SENP1: variants seen among roughly 807,000 people sequenced by gnomAD.
SENP1 encodes the protein SUMO specific peptidase 1, also known as sentrin-specific protease 1.
SENP1 carries 21 observed loss-of-function variants against 93.0 expected under a neutral mutation model. The observed-to-expected ratio is 0.23, with a 90% CI of 0.16 to 0.33. The LOEUF (loss-of-function observed/expected upper bound fraction) is 0.33. Ranked by LOEUF, SENP1 falls within the 10% of genes least tolerant of loss-of-function variation. The probability of loss-of-function intolerance (pLI) is 1.00; values close to 1 mark genes in which losing one functional copy is unlikely to be tolerated. For missense variants in SENP1, 591 were observed against 758.7 expected (o/e 0.78, Z 2.60); for synonymous variants, 256 against 259.6 (o/e 0.99, Z 0.13).
In SENP1 at chr12:48,074,590, G is replaced by C; in HGVS notation, c.674C>G (p.Ser225Cys). 6.2e-7 allele frequency: 1 copy of C among 1,612,394 alleles called. No homozygotes were observed. The highest frequency in any genetic ancestry group is 8.5e-7 in the Non-Finnish European group (1 of 1,178,948). The stretch of plus-strand genomic sequence containing the variant: ...TGAGTCTTTCAAAGTATTTTTACTG[G>C]AACTAAGACATCGAGACCTAGCAAG... ...FPLHLSRCLS[S>C]SKNTLKDSLF... The change falls in exon 8 of 18, where the codon TCC becomes TGC. Residue 225 changes from serine to cysteine, a missense_variant. Ser to Cys is a moderately radical substitution (Grantham distance 112). Around this residue, in one of 4 missense-constraint regions of SENP1, gnomAD observed 7 missense variants for 26.1 expected, o/e 0.27. Coordinates refer to ENST00000549518, the MANE Select transcript of SENP1 (RefSeq NM_001267594.2).
Position 48,101,516 on chromosome 12 carries a change from C to A in SENP1, c.-44G>T. On this transcript the variant is annotated splice_region_variant and 5_prime_UTR_variant, in exon 2 of 18. Transcript: ENST00000549518. ...ACTGACTTTAGCAAAGATACAAAGTCCTATAAAAGAAGACACAAAACAGAA... is the reference window on the plus strand; with the variant it reads ...ACTGACTTTAGCAAAGATACAAAGTACTATAAAAGAAGACACAAAACAGAA... 1 of 1,561,198 alleles carries A rather than the reference C, an allele frequency of 6.4e-7. No individual in the cohort carries two copies. The highest frequency in any genetic ancestry group is 1.2e-5 in the South Asian group (1 of 85,810).
rs954261399 is a variant in SENP1 at position 48,065,555 on chromosome 12, G to C, written c.1119+41C>G. ...TTTCCAAAATAGTTTCTACTTTGAT[G>C]TACTATTTATTTGTAATATTATTCC... On this transcript the variant is annotated intron_variant, in intron 11 of 17. Transcript: ENST00000549518. 6.1e-6 allele frequency: 8 copies of C among 1,306,710 alleles called. No individual in the cohort carries two copies. The African/African-American group carries it at 8.9e-5, about 15-fold the overall frequency. 80.9% of individuals were successfully genotyped at this position (1,306,710 alleles called of 1,614,324 possible). A position where few individuals can be genotyped will look rare whatever the true frequency, so the allele number is the denominator to read the frequency against.
At chr12:48,083,498 G>T in intron 6 of SENP1, 93 bp downstream of exon 6, 1 of 988,626 alleles carries the variant, frequency 1.0e-6, no homozygotes, top group Non-Finnish European at 1.5e-6. Context: ...AAATAGAATG[G>T]TTCTTAAACA....
intron 13 of SENP1, among the ~76,000 whole-genome samples, chr12:48,050,402 T>C (rs1337809501): frequency 2.6e-5 from 4 of 152,160 alleles, no homozygotes; most frequent in African/African-American, 9.7e-5. Flanking sequence ...TGAGGATGCC[T>C]AGGCAGCTGC....
chr12:48,047,105 CG>C (rs1565728391), intron 15 of SENP1, 43 bp from the exon 16 acceptor site: 1 of 1,223,076 alleles, frequency 8.2e-7, no homozygotes, highest in Non-Finnish European at 1.2e-6. Flanking sequence ...TGGGGAACAT[CG>C]ATGACAGCTG....
At chr12:48,082,195 C>CAAA (rs1369044454) in intron 6 of SENP1, among the ~76,000 whole-genome samples, 3 of 152,102 alleles carry the variant, frequency 2.0e-5, no homozygotes, top group Non-Finnish European at 4.4e-5. Context: ...GGCCTCAATA[C>CAAA]AAACTTTAAA....
intron 1 of SENP1, among the ~76,000 whole-genome samples, chr12:48,104,226 A>AT (rs1946202799): frequency 1.9e-4 from 10 of 53,678 alleles, no homozygotes; most frequent in African/African-American, 9.0e-4. Flanking sequence ...AGAAGAAAAA[A>AT]ATATATATAG....
intron 12 of SENP1, 128 bp from the exon 13 acceptor site, chr12:48,063,969 A>C (rs1341512384): frequency 8.7e-6 from 8 of 921,330 alleles, no homozygotes; most frequent in East Asian, 8.2e-5. Flanking sequence ...TTTACTGTTA[A>C]TCAGTTTACT....
intron 8 of SENP1, 45 bp downstream of exon 8, chr12:48,074,279 T>C (rs753660998): frequency 2.0e-6 from 3 of 1,472,324 alleles, no homozygotes; most frequent in South Asian, 1.2e-5. Flanking sequence ...GAACAGTTAA[T>C]TGGCTATTAG....
intron 13 of SENP1, among the ~76,000 whole-genome samples, chr12:48,059,369 A>G (rs957767190): frequency 6.6e-6 from 1 of 152,110 alleles, no homozygotes; most frequent in Non-Finnish European, 1.5e-5. Context: ...TGAAGTGTCT[A>G]ATCTATTAAT....
chr12:48,067,183 A>AT (rs1943365726), intron 9 of SENP1, among the ~76,000 whole-genome samples: 1 of 152,232 alleles, frequency 6.6e-6, no homozygotes, highest in African/African-American at 2.4e-5. Flanking sequence ...ATATGGATAC[A>AT]TATTAGTTAA....
intron 13 of SENP1, among the ~76,000 whole-genome samples, chr12:48,055,792 AAT>A (rs1340054448): frequency 6.9e-6 from 1 of 145,976 alleles, no homozygotes; most frequent in African/African-American, 2.5e-5. Flanking sequence ...TATATTATTT[AAT>A]ATATAAATAA....
At chr12:48,104,592 A>C (rs1168424297) in intron 1 of SENP1, among the ~76,000 whole-genome samples, 1 of 152,222 alleles carries the variant, frequency 6.6e-6, no homozygotes, top group Non-Finnish European at 1.5e-5. Context: ...GACTACGTGC[A>C]TTAAGAAAGG....
At chr12:48,099,279 G>T in intron 2 of SENP1, 1 of 151,578 alleles carries the variant, frequency 6.6e-6, no homozygotes, top group South Asian at 2.1e-4. Context: ...AGTGAGCCAT[G>T]ACAGAGTCAC....
At chr12:48,061,980 CCTT>C (rs1942990790) in intron 13 of SENP1, among the ~76,000 whole-genome samples, 1 of 152,076 alleles carries the variant, frequency 6.6e-6, no homozygotes, top group South Asian at 2.1e-4. Context: ...AAGAATCTTT[CCTT>C]CTTCTCATCT....
intron 13 of SENP1, among the ~76,000 whole-genome samples, chr12:48,050,973 G>C (rs1444012536): frequency 2.0e-5 from 3 of 151,778 alleles, no homozygotes; most frequent in Non-Finnish European, 4.4e-5. Flanking sequence ...AGCAGGAGGT[G>C]AAAGGAATCA....
chr12:48,054,633 T>G (rs1942083303), intron 13 of SENP1, among the ~76,000 whole-genome samples: 2 of 151,932 alleles, frequency 1.3e-5, no homozygotes, highest in South Asian at 4.2e-4. Flanking sequence ...CTACTAAAAA[T>G]AGACAAATTA....
intron 13 of SENP1, 54 bp from the exon 14 acceptor site, chr12:48,049,186 A>G (rs1941600899): frequency 4.3e-6 from 6 of 1,389,280 alleles, no homozygotes; most frequent in Non-Finnish European, 6.1e-6. Context: ...AGCCTTTCAA[A>G]ATAGTTGCAG....
intron 1 of SENP1, among the ~76,000 whole-genome samples, chr12:48,102,445 A>C (rs1946011114): frequency 6.6e-6 from 1 of 150,446 alleles, no homozygotes; most frequent in Admixed American, 6.7e-5. Context: ...AAAAAAAAAA[A>C]AAAAAAAAAC....
Sources: allele counts gnomAD v4.1 joint callset (sites outside exome capture counted in the v4.1 genomes callset), GRCh38; gene constraint gnomAD v4.1.1; regional missense constraint gnomAD v4.1.1; transcripts MANE v1.5; gene names NCBI Gene and HGNC (gene_info 2026-07-23, HGNC 2026-07-21).